Variants in B9D1 observed in about 807,000 individuals in gnomAD.
B9D1 encodes B9 domain-containing protein 1.
In B9D1, 20 loss-of-function variants were observed where a neutral mutation model predicts 26.1. That is an observed-to-expected ratio of 0.77 (90% confidence interval 0.54 to 1.12). The LOEUF (loss-of-function observed/expected upper bound fraction) is 1.12. Among genes scored for constraint, B9D1 ranks in the 50% most tolerant of loss-of-function variants. The probability of loss-of-function intolerance (pLI) is 0.00; values close to 1 mark genes in which losing one functional copy is unlikely to be tolerated. For missense variants in B9D1, 260 were observed against 273.7 expected (o/e 0.95, Z 0.35); for synonymous variants, 105 against 103.1 (o/e 1.02, Z -0.11).
At chr17:19,367,686 G>T (rs1911672622), upstream of B9D1, among the ~76,000 whole-genome samples, 1 of 152,138 alleles carries the variant, frequency 6.6e-6, no homozygotes, top group South Asian at 2.1e-4. Context: ...TTGTTCCTTT[G>T]TTCTAGAAAG....
At chr17:19,352,514 A>ATTTT (rs34659490) in intron 3 of B9D1, among the ~76,000 whole-genome samples, 76 of 95,118 alleles carry the variant, frequency 8.0e-4, no homozygotes, top group East Asian at 5.1e-3. Flanking sequence ...GGCCTGGCTA[A>ATTTT]TTTTTTTTTT....
downstream of B9D1, chr17:19,337,532 C>G (rs1907545998): frequency 1.7e-6 from 1 of 573,044 alleles, no homozygotes; most frequent in Non-Finnish European, 3.2e-6. Context: ...TGACTCAGAG[C>G]TAGGAGGCTA....
At chr17:19,336,500 G>A (rs1907460949), downstream of B9D1, 1 of 152,656 alleles carries the variant, frequency 6.6e-6, no homozygotes, top group Non-Finnish European at 1.5e-5. Flanking sequence ...GCCATCCCGA[G>A]TGCATGTCCC....
At chr17:19,357,547 C>T (rs1413720739) in intron 3 of B9D1, 1 of 456,304 alleles carries the variant, frequency 2.2e-6, no homozygotes, top group Non-Finnish European at 4.1e-6. Flanking sequence ...AGCCACAGTC[C>T]TGCATGCCAG....
downstream of B9D1, chr17:19,341,033 A>C (rs1044585124): frequency 3.4e-6 from 3 of 890,190 alleles, no homozygotes; most frequent in Non-Finnish European, 4.4e-6. Context: ...GGTAATGGTA[A>C]AATCTAGGTG....
downstream of B9D1, chr17:19,335,164 GAT>G: frequency 2.7e-6 from 1 of 368,428 alleles, no homozygotes; most frequent in Non-Finnish European, 4.9e-6. Flanking sequence ...CATAGATGAT[GAT>G]GTTTATTTAA....
At chr17:19,376,624 C>CAAAAAAAAAA (rs56972267) in intron 1 of B9D1, among the ~76,000 whole-genome samples, 4 of 48,970 alleles carry the variant, frequency 8.2e-5, no homozygotes, top group Admixed American at 3.7e-4. Context: ...TACTAAAATA[C>CAAAAAAAAAA]AAAAAAAAAA....
At chr17:19,360,436 C>T (rs998741194) in intron 1 of B9D1, 48 bp from the exon 2 acceptor site, 1 of 1,556,496 alleles carries the variant, frequency 6.4e-7, no homozygotes, top group African/African-American at 1.4e-5. Context: ...CATGCTGAGG[C>T]CAATGCATTT....
At chr17:19,365,538 T>C (rs1383196557), upstream of B9D1, among the ~76,000 whole-genome samples, 1 of 152,250 alleles carries the variant, frequency 6.6e-6, no homozygotes, top group Non-Finnish European at 1.5e-5. The surrounding 1 kb of genome is among the most constrained non-coding windows in gnomAD (Gnocchi z 5.0). Context: ...TGGGCCCTTC[T>C]TGCTGGAGGC....
upstream of B9D1, among the ~76,000 whole-genome samples, chr17:19,367,011 C>A (rs541749784): frequency 6.6e-6 from 1 of 152,180 alleles, no homozygotes; most frequent in African/African-American, 2.4e-5. Context: ...ATGTCTAGGG[C>A]GGTCACGAGA....
intron 1 of B9D1, among the ~76,000 whole-genome samples, chr17:19,368,788 A>T (rs1248199353): frequency 4.6e-5 from 7 of 152,132 alleles, no homozygotes; most frequent in Non-Finnish European, 1.0e-4. Context: ...AGAAAAATAC[A>T]ATAAATAAAT....
chr17:19,348,793 C>T (rs1001654858), intron 3 of B9D1, among the ~76,000 whole-genome samples: 28 of 152,168 alleles, frequency 1.8e-4, no homozygotes, highest in African/African-American at 6.3e-4. Flanking sequence ...TTTTTGTGCC[C>T]AGACTCTAAT....
chr17:19,335,424 ACTT>A (rs1382194239), downstream of B9D1: 1 of 1,550,138 alleles, frequency 6.5e-7, no homozygotes, highest in East Asian at 2.4e-5. Context: ...GATTAACAGG[ACTT>A]CTGTTTACAA....
intron 5 of B9D1, among the ~76,000 whole-genome samples, chr17:19,345,609 C>CA (rs1908666398): frequency 6.6e-6 from 1 of 152,226 alleles, no homozygotes; most frequent in African/African-American, 2.4e-5. Flanking sequence ...GGGCAATAAA[C>CA]AGAGTCTCCC....
intron 3 of B9D1, among the ~76,000 whole-genome samples, chr17:19,348,276 A>C (rs1909129861): frequency 1.3e-5 from 2 of 152,062 alleles, no homozygotes; most frequent in Non-Finnish European, 2.9e-5. Flanking sequence ...CATGGGACTG[A>C]GGTGGCAGGG....
Position 19,357,929 on chromosome 17 carries a change from T to C in B9D1, c.155A>G (p.Gln52Arg). Residue 52 changes from glutamine (Q) to arginine (R), a missense_variant, in exon 3 of 7, where the codon CAG (glutamine) becomes CGG (arginine). By Grantham distance (43) the Gln-to-Arg change is conservative. Transcript: ENST00000261499. ...CACATCTTGGCTCTTGGATGTGATCTGTGAGATCCCCTCCTCCAGACCCTG... is the reference window on the plus strand; with the variant it reads ...CACATCTTGGCTCTTGGATGTGATCCGTGAGATCCCCTCCTCCAGACCCTG... ...PTAGLEEGISQITSKSQDVRQ... is the reference protein window; with the variant it reads ...PTAGLEEGISRITSKSQDVRQ... 6.2e-7 allele frequency: 1 copy of C among 1,614,064 alleles called. No homozygotes were observed. The highest frequency in any genetic ancestry group is 1.3e-5 in the African/African-American group (1 of 75,048).
At chr17:19,342,372 G>A (rs1346234671), downstream of B9D1, among the ~76,000 whole-genome samples, 2 of 152,160 alleles carry the variant, frequency 1.3e-5, no homozygotes, top group Non-Finnish European at 2.9e-5. Context: ...GTGCCATGAC[G>A]ACAGTCCAGG....
intron 1 of B9D1, among the ~76,000 whole-genome samples, chr17:19,369,657 T>C (rs557691997): frequency 4.6e-5 from 7 of 152,096 alleles, no homozygotes; most frequent in Middle Eastern, 3.2e-3. Context: ...GTCATCCAGG[T>C]AGGTTTGCCA....
At chr17:19,340,457 G>GC (rs112038327), downstream of B9D1, among the ~76,000 whole-genome samples, 151,228 of 151,228 alleles carry the variant, frequency 1, 75,614 homozygotes, top group Non-Finnish European at 1. Flanking sequence ...ACAGGCGTCA[G>GC]CACCATGTCC....
Sources: gnomAD v4.1 joint callset for allele counts (sites outside exome capture counted in the v4.1 genomes callset) on GRCh38, gnomAD v4.1.1 for gene constraint, Gnocchi (gnomAD v3.1) non-coding constraint, MANE v1.5 for transcripts, NCBI Gene and HGNC (gene_info 2026-07-23, HGNC 2026-07-21) for gene names.